TPO: variants seen among roughly 807,000 people sequenced by gnomAD.
TPO encodes the protein thyroid microsomal antigen.
Under a neutral mutation model 96.9 loss-of-function variants are expected in TPO, and 78 were observed. That is an observed-to-expected ratio of 0.81 (90% CI 0.67 to 0.97). The LOEUF (loss-of-function observed/expected upper bound fraction) is 0.97, where lower values mean the gene tolerates loss of function less well. TPO is among the 50% of genes least tolerant of loss of function. The probability of loss-of-function intolerance (pLI) is 0.00; values close to 1 mark genes in which losing one functional copy is unlikely to be tolerated. For synonymous variants in TPO, 547 were observed against 538.0 expected (o/e 1.02, Z -0.23); for missense variants, 1,252 against 1,274.8 (o/e 0.98, Z 0.27).
intron 13 of TPO, among the ~76,000 whole-genome samples, chr2:1,497,400 C>A (rs951812234): frequency 2.6e-5 from 4 of 152,212 alleles, no homozygotes; most frequent in Non-Finnish European, 5.9e-5. Flanking sequence ...AACAGAGCCT[C>A]CCGGGGGGAG....
At chr2:1,520,987 A>G (rs1675197278) in intron 15 of TPO, among the ~76,000 whole-genome samples, 1 of 152,104 alleles carries the variant, frequency 6.6e-6, no homozygotes, top group Non-Finnish European at 1.5e-5. Flanking sequence ...TCTTGTTTTT[A>G]TTATTTTTAC....
chr2:1,462,077 T>G (rs1668498716), intron 7 of TPO, among the ~76,000 whole-genome samples: 1 of 152,216 alleles, frequency 6.6e-6, no homozygotes, highest in Non-Finnish European at 1.5e-5. Context: ...CTCTGCCCTA[T>G]TTCAACTTTC....
intron 7 of TPO, among the ~76,000 whole-genome samples, chr2:1,457,230 G>C (rs1275336271): frequency 3.2e-4 from 27 of 85,352 alleles, no homozygotes; most frequent in African/African-American, 1.2e-3. Flanking sequence ...GGGCAGATGT[G>C]TACATAGCAT....
intron 14 of TPO, among the ~76,000 whole-genome samples, chr2:1,505,915 G>C (rs1401391751): frequency 2.0e-5 from 3 of 151,190 alleles, no homozygotes; most frequent in Non-Finnish European, 4.4e-5. Context: ...ACAACGTGCA[G>C]GTTTGTTACA....
chr2:1,387,502 T>C (rs1661921881), intron 1 of TPO, among the ~76,000 whole-genome samples: 1 of 152,234 alleles, frequency 6.6e-6, no homozygotes, highest in African/African-American at 2.4e-5. Flanking sequence ...GTTGATCGAA[T>C]TGGCTACTGA....
At chr2:1,536,649 C>CG (rs1271109250) in intron 15 of TPO, among the ~76,000 whole-genome samples, 1 of 82,664 alleles carries the variant, frequency 1.2e-5, no homozygotes, top group Non-Finnish European at 2.5e-5. Flanking sequence ...AATCCCCCCC[C>CG]CCACTGTGTG....
At chr2:1,404,978 T>C (rs1662227405) in intron 1 of TPO, among the ~76,000 whole-genome samples, 1 of 152,192 alleles carries the variant, frequency 6.6e-6, no homozygotes, top group Non-Finnish European at 1.5e-5. Flanking sequence ...ACTTCATTCT[T>C]TTATCCATCG....
intron 13 of TPO, among the ~76,000 whole-genome samples, chr2:1,500,808 T>C (rs1362784047): frequency 6.6e-6 from 1 of 151,898 alleles, no homozygotes; most frequent in Non-Finnish European, 1.5e-5. Context: ...CTACTAAAAA[T>C]ACAAAGAAGA....
chr2:1,502,565 T>C (rs1397905222), intron 13 of TPO, among the ~76,000 whole-genome samples: 1 of 152,086 alleles, frequency 6.6e-6, no homozygotes, highest in Non-Finnish European at 1.5e-5. Context: ...CATTTTTGTA[T>C]TTTTAGTGGA....
intron 14 of TPO, among the ~76,000 whole-genome samples, chr2:1,511,020 G>A (rs984781223): frequency 1.2e-4 from 19 of 152,248 alleles, no homozygotes; most frequent in African/African-American, 2.2e-4. Flanking sequence ...TTTAGATTTC[G>A]GTACAGCTCT....
intron 6 of TPO, among the ~76,000 whole-genome samples, chr2:1,455,841 G>T (rs1489045251): frequency 6.6e-6 from 1 of 152,184 alleles, no homozygotes. Context: ...GAGGGCTGAG[G>T]GAAGTTAATG....
Position 1,480,467 on chromosome 2 carries a change from C to T in TPO, c.1338+2863C>T, listed in dbSNP as rs1573363877. Reference sequence around the variant, plus strand: ...TAACTTTGTAATCTGAATCTCTCTTCTTCTGAAAAACATTAGATAATGAAA... The same window carrying T: ...TAACTTTGTAATCTGAATCTCTCTTTTTCTGAAAAACATTAGATAATGAAA... On this transcript the variant is annotated intron_variant, in intron 8 of 16. Transcript: ENST00000329066. Among the ~76,000 whole-genome samples the T allele has an allele frequency of 2.6e-5, 4 of 151,494 alleles. No homozygotes were observed. The East Asian group carries it at 7.8e-4, about 30-fold the overall frequency.
At position 1,445,903 on chromosome 2, in the gene TPO, G is replaced by A. The variant is rs564531623; in HGVS notation, c.483-7791G>A. ...ACCGTGTTGGAAGGGAATGGGGCAG[G>A]CTCCTTCCTGTTTGTATGATCCCGT... On this transcript the variant is annotated intron_variant, in intron 5 of 16. Coordinates refer to ENST00000329066, the MANE Select transcript of TPO (RefSeq NM_001206744.2). 1.2e-3 allele frequency among the ~76,000 whole-genome samples: 175 copies of A among 152,098 alleles called. 2 individuals are homozygous for A. In the South Asian group the frequency reaches 0.028, roughly 24 times the overall value.
At chr2:1,407,694 G>A (rs1035023791) in intron 1 of TPO, among the ~76,000 whole-genome samples, 1 of 152,120 alleles carries the variant, frequency 6.6e-6, no homozygotes, top group South Asian at 2.1e-4. Flanking sequence ...TAATAAACCA[G>A]ATGAGCACAA....
At chr2:1,444,313 T>C (rs563703161) in intron 5 of TPO, among the ~76,000 whole-genome samples, 2,643 of 146,448 alleles carry the variant, frequency 0.018, 24 homozygotes, top group Non-Finnish European at 0.029. Context: ...GGCAGGCTCG[T>C]TCTTGTTTGT....
At chr2:1,507,417 G>A (rs984902168) in intron 14 of TPO, among the ~76,000 whole-genome samples, 3 of 152,278 alleles carry the variant, frequency 2.0e-5, no homozygotes, top group Admixed American at 6.5e-5. Context: ...CCAATTCTGT[G>A]AAGAAAGTCA....
chr2:1,494,112 A>G, intron 11 of TPO, 73 bp downstream of exon 11: 1 of 1,439,994 alleles, frequency 6.9e-7, no homozygotes, highest in South Asian at 1.1e-5. Context: ...TTCTGAAGCC[A>G]GCCAGACCTG....
intron 14 of TPO, among the ~76,000 whole-genome samples, chr2:1,505,678 G>T (rs548140625): frequency 6.6e-6 from 1 of 151,658 alleles, no homozygotes; most frequent in South Asian, 2.1e-4. Context: ...ATAGGTATAC[G>T]TGTGCCATGG....
chr2:1,502,523 G>A (rs905466633), intron 13 of TPO, among the ~76,000 whole-genome samples: 1 of 152,086 alleles, frequency 6.6e-6, no homozygotes, highest in Non-Finnish European at 1.5e-5. Context: ...CTGAGTAGCT[G>A]GGATTACAGG....
Sources: allele counts gnomAD v4.1 joint callset (sites outside exome capture counted in the v4.1 genomes callset), GRCh38; gene constraint gnomAD v4.1.1; transcripts MANE v1.5; gene names NCBI Gene and HGNC (gene_info 2026-07-23, HGNC 2026-07-21).